Variants in ZFPM2 observed in about 807,000 individuals in gnomAD.
ZFPM2 encodes the protein zinc finger protein, FOG family member 2.
ZFPM2 carries 20 observed loss-of-function variants against 98.6 expected under a neutral mutation model. That is an observed-to-expected ratio of 0.20 (90% CI 0.14 to 0.29). ZFPM2 has a LOEUF of 0.29. Among genes scored for constraint, ZFPM2 ranks in the 10% least tolerant of loss-of-function variants. The probability of loss-of-function intolerance (pLI) is 1.00; values close to 1 mark genes in which losing one functional copy is unlikely to be tolerated. For missense variants in ZFPM2, 1,310 were observed against 1,388.6 expected, an observed-to-expected ratio of 0.94 and a Z score of 0.90; for synonymous variants, 518 against 502.7, an observed-to-expected ratio of 1.03 and a Z score of -0.41.
chr8:105,797,333 G>C (rs2920047), intron 6 of ZFPM2: 20,308 of 152,166 alleles, frequency 0.13, 1,815 homozygotes, highest in Non-Finnish European at 0.2. Flanking sequence ...ACCAGTATTA[G>C]CTACAGCTCA....
chr8:105,721,462 C>A (rs1412967693), intron 5 of ZFPM2, among the ~76,000 whole-genome samples: 1 of 151,878 alleles, frequency 6.6e-6, no homozygotes, highest in Non-Finnish European at 1.5e-5. Flanking sequence ...TTATCTTTTT[C>A]TCACAGCTTT....
At chr8:105,350,082 A>G (rs1260066743) in intron 1 of ZFPM2, among the ~76,000 whole-genome samples, 1 of 152,186 alleles carries the variant, frequency 6.6e-6, no homozygotes, top group Non-Finnish European at 1.5e-5. Flanking sequence ...ATTAAATGAT[A>G]TATACTTTTT....
chr8:105,591,919 C>T (rs1815853001), intron 4 of ZFPM2, among the ~76,000 whole-genome samples: 1 of 151,946 alleles, frequency 6.6e-6, no homozygotes, highest in African/African-American at 2.4e-5. Flanking sequence ...AAATTAACAC[C>T]AGATAAAGCA....
chr8:105,476,517 A>G (rs1483981326), intron 3 of ZFPM2, among the ~76,000 whole-genome samples: 3 of 152,222 alleles, frequency 2.0e-5, no homozygotes, highest in Middle Eastern at 3.4e-3. Context: ...AAATTTGCCA[A>G]AAAGGTTGGG....
intron 1 of ZFPM2, among the ~76,000 whole-genome samples, chr8:105,325,308 AT>A (rs1812095087): frequency 6.6e-6 from 1 of 151,912 alleles, no homozygotes; most frequent in African/African-American, 2.4e-5. Context: ...AATATTTGGC[AT>A]TCTGGAAAGA....
intron 6 of ZFPM2, among the ~76,000 whole-genome samples, chr8:105,792,684 G>A (rs1221147557): frequency 6.6e-6 from 1 of 152,144 alleles, no homozygotes; most frequent in Non-Finnish European, 1.5e-5. Context: ...TGACAGTGGG[G>A]TGTTAAAGTC....
At chr8:105,456,168 G>T (rs7822940) in intron 3 of ZFPM2, among the ~76,000 whole-genome samples, 55,818 of 127,966 alleles carry the variant, frequency 0.44, 13,001 homozygotes, top group East Asian at 0.56. Context: ...TTGTTTGTTT[G>T]TTTTTTTTTT....
chr8:105,544,281 A>G (rs1334456868), intron 3 of ZFPM2, among the ~76,000 whole-genome samples: 2 of 152,198 alleles, frequency 1.3e-5, no homozygotes, highest in African/African-American at 2.4e-5. Flanking sequence ...TATTTCATAC[A>G]GTAGAATATA....
chr8:105,639,930 T>C (rs925819663), intron 5 of ZFPM2, among the ~76,000 whole-genome samples: 1 of 152,028 alleles, frequency 6.6e-6, no homozygotes, highest in African/African-American at 2.4e-5. Context: ...GATACTTTTA[T>C]TTTAGTGAAA....
At chr8:105,507,741 CTTAT>C (rs1168980475) in intron 3 of ZFPM2, among the ~76,000 whole-genome samples, 7 of 152,248 alleles carry the variant, frequency 4.6e-5, no homozygotes, top group African/African-American at 1.7e-4. Context: ...GCATGACTGT[CTTAT>C]TTAGTCTTGG....
At chr8:105,498,965 G>T (rs938205583) in intron 3 of ZFPM2, among the ~76,000 whole-genome samples, 1 of 152,170 alleles carries the variant, frequency 6.6e-6, no homozygotes, top group African/African-American at 2.4e-5. Flanking sequence ...GGGGCAGGCA[G>T]TTAGTAACAG....
At position 105,694,849 on chromosome 8, in the gene ZFPM2, T is replaced by G. The variant is rs115589160; in HGVS notation, c.532+60492T>G. Among the ~76,000 whole-genome samples, 887 of 152,246 alleles carry G rather than the reference T, an allele frequency of 5.8e-3. 7 individuals carry two copies. Among genetic ancestry groups the G allele is most frequent in the African/African-American group, 0.02 (841 of 41,552 alleles). Reference sequence around the variant, plus strand: ...AAGATGTTTTCCTATTTCTTTACATTAAGAACAAATTTCAAACATACATCT... The same window carrying G: ...AAGATGTTTTCCTATTTCTTTACATGAAGAACAAATTTCAAACATACATCT... On this transcript the variant is annotated intron_variant, in intron 5 of 7. Coordinates refer to ENST00000407775, the MANE Select transcript of ZFPM2 (RefSeq NM_012082.4).
At chr8:105,768,316 A>G (rs1387269852) in intron 5 of ZFPM2, among the ~76,000 whole-genome samples, 2 of 152,010 alleles carry the variant, frequency 1.3e-5, no homozygotes, top group Non-Finnish European at 2.9e-5. Context: ...TAAAAGCAAA[A>G]TAGATTTTCC....
At chr8:105,635,970 T>C (rs1424562853) in intron 5 of ZFPM2, among the ~76,000 whole-genome samples, 1 of 152,154 alleles carries the variant, frequency 6.6e-6, no homozygotes, top group Admixed American at 6.6e-5. Flanking sequence ...ATCTTGGAAA[T>C]GAGACCCAAG....
chr8:105,356,066 C>G (rs1402155677), intron 1 of ZFPM2, among the ~76,000 whole-genome samples: 1 of 152,172 alleles, frequency 6.6e-6, no homozygotes, highest in Non-Finnish European at 1.5e-5. Context: ...ATTATAACTC[C>G]TTACATGGAA....
chr8:105,436,972 A>G (rs1812133240), intron 2 of ZFPM2, among the ~76,000 whole-genome samples: 1 of 152,188 alleles, frequency 6.6e-6, no homozygotes, highest in Non-Finnish European at 1.5e-5. Flanking sequence ...ATGAATATAA[A>G]TTAAATTCTG....
intron 3 of ZFPM2, among the ~76,000 whole-genome samples, chr8:105,516,018 C>T (rs1318531574): frequency 1.1e-4 from 16 of 149,198 alleles, no homozygotes; most frequent in African/African-American, 2.7e-4. Context: ...TCCGGGTCTC[C>T]GGGTCCGAGC....
At chr8:105,787,926 T>C (rs1456152358) in intron 5 of ZFPM2, among the ~76,000 whole-genome samples, 1 of 152,218 alleles carries the variant, frequency 6.6e-6, no homozygotes, top group Non-Finnish European at 1.5e-5. Context: ...TTAATTTTTC[T>C]TTTTAATGCA....
intron 4 of ZFPM2, among the ~76,000 whole-genome samples, chr8:105,574,885 G>A (rs1034050410): frequency 4.0e-5 from 6 of 150,748 alleles, no homozygotes; most frequent in African/African-American, 1.5e-4. Flanking sequence ...ATATCCATGT[G>A]TGCATCTGAG....
Sources: gnomAD v4.1 joint callset for allele counts (sites outside exome capture counted in the v4.1 genomes callset) on GRCh38, gnomAD v4.1.1 for gene constraint, MANE v1.5 for transcripts, NCBI Gene and HGNC (gene_info 2026-07-23, HGNC 2026-07-21) for gene names.